Variants in ATXN7L2 observed in about 807,000 individuals in gnomAD.
ATXN7L2 encodes the protein ataxin 7 like 2.
Under a neutral mutation model 59.6 loss-of-function variants are expected in ATXN7L2, and 17 were observed. The ratio of observed to expected loss-of-function variants is 0.29; its 90% confidence interval spans 0.20 to 0.43. The LOEUF is 0.43. ATXN7L2 is among the 20% of genes least tolerant of loss of function. ATXN7L2 has a pLI of 1.00. For synonymous variants in ATXN7L2, 378 were observed against 392.5 expected (o/e 0.96, Z 0.44); for missense variants, 858 against 1,008.9 (o/e 0.85, Z 2.03).
Position 109,488,955 on chromosome 1 carries a change from A to G in ATXN7L2, c.988A>G (p.Lys330Glu), listed in dbSNP as rs770181814. 7 of 1,613,974 alleles carry G rather than the reference A, an allele frequency of 4.3e-6. No homozygotes were observed. The highest frequency in any genetic ancestry group is 5.9e-6 in the Non-Finnish European group (7 of 1,180,002). Residue 330 changes from lysine (K) to glutamate (E), a missense_variant, in exon 7 of 11, where the codon AAG (lysine) becomes GAG (glutamate). Lys to Glu is a moderately conservative substitution (Grantham distance 56). Coordinates refer to ENST00000683729, the MANE Select transcript of ATXN7L2 (RefSeq NM_001350175.2). The surrounding 1 kb of genome is among the most constrained non-coding windows in gnomAD (Gnocchi z 5.0). Reference sequence around the variant, plus strand: ...CCGCAAAGGGGAGTCTCCCAAGGAGAAGAGCCCAGGGCGCAAGGAGCAAGT... The same window carrying G: ...CCGCAAAGGGGAGTCTCCCAAGGAGGAGAGCCCAGGGCGCAAGGAGCAAGT... ...NSRKGESPKE[K>E]SPGRKEQVLE...
In ATXN7L2 at chr1:109,488,331, T is replaced by C; in HGVS notation, c.797-52T>C. ...TTGGCAGGAAGCGGCCAAATCCTCC[T>C]GTAAACTCCTGGAAATGGTCTTGAG... On this transcript the variant is annotated intron_variant, in intron 5 of 10. Coordinates refer to ENST00000683729, the MANE Select transcript of ATXN7L2 (RefSeq NM_001350175.2). The surrounding 1 kb of genome is among the most constrained non-coding windows in gnomAD (Gnocchi z 5.0). 6.5e-7 allele frequency: 1 copy of C among 1,527,202 alleles called. No homozygotes were observed. The highest frequency in any genetic ancestry group is 8.9e-7 in the Non-Finnish European group (1 of 1,119,980). The allele number at this position is 1,527,202 out of a possible 1,614,324, so 94.6% of individuals were successfully genotyped here.
intron 5 of ATXN7L2, 29 bp downstream of exon 5, chr1:109,487,833 A>C (rs1381713540): frequency 6.4e-7 from 1 of 1,563,262 alleles, no homozygotes; most frequent in Admixed American, 2.0e-5. Context: ...GGGGGTCCAG[A>C]ATGTAGAGTG....
chr1:109,485,992 G>A (rs910399658), intron 1 of ATXN7L2, 65 bp from the exon 2 acceptor site: 1 of 1,464,034 alleles, frequency 6.8e-7, no homozygotes, highest in Non-Finnish European at 9.0e-7. Flanking sequence ...ACAGTCTCTG[G>A]TAAGGAGAGG....
chr1:109,489,245 G>A, intron 7 of ATXN7L2, 145 bp downstream of exon 7: 1 of 1,143,238 alleles, frequency 8.7e-7, no homozygotes, highest in South Asian at 1.6e-5. Context: ...GCTCCTGACA[G>A]TGGTGTGGAA....
In ATXN7L2 at chr1:109,486,203, G is replaced by C; in HGVS notation, c.193+81G>C. ...CTTTTCCACCACACTACAGAAGGAG[G>C]TGGCTGCTTGAAGCAGCTGTCTGGG... On this transcript the variant is annotated intron_variant, in intron 2 of 10. Coordinates refer to ENST00000683729, the MANE Select transcript of ATXN7L2 (RefSeq NM_001350175.2). The surrounding 1 kb of genome is among the most constrained non-coding windows in gnomAD (Gnocchi z 4.3). The C allele has an allele frequency of 6.7e-7, 1 of 1,488,674 alleles. No individual in the cohort carries two copies. The highest frequency in any genetic ancestry group is 8.9e-7 in the Non-Finnish European group (1 of 1,119,286). 92.2% of individuals were successfully genotyped at this position (1,488,674 alleles called of 1,614,324 possible). A position where few individuals can be genotyped will look rare whatever the true frequency, so the allele number is the denominator to read the frequency against.
chr1:109,488,357 G>A lies in ATXN7L2; in HGVS notation c.797-26G>A, dbSNP rs1480775615. On this transcript the variant is annotated intron_variant, in intron 5 of 10. Transcript: ENST00000683729. This position sits in a 1 kb window ranked among gnomAD's most constrained non-coding sequence, Gnocchi z 5.0. ...GTAAACTCCTGGAAATGGTCTTGAG[G>A]TTCATTGGAAGTGCTTTCCCCACAG... is the stretch of plus-strand genomic sequence containing the variant. 1.3e-6 allele frequency: 2 copies of A among 1,576,198 alleles called. No homozygotes were observed. Among genetic ancestry groups the A allele is most frequent in the East Asian group, 4.6e-5 (2 of 43,800 alleles).
At position 109,489,011 on chromosome 1, in the gene ATXN7L2, C is replaced by T; in HGVS notation, c.1044C>T (p.Ser348=). ...AGCGCCCCTCCCAGGAGCTCCCCTC[C>T]TCAGTCCAGGTTGTAGCAGCGGTGG... ...VLERPSQELP[S]SVQVVAAVAA... The change falls in exon 7 of 11, where the codon TCC becomes TCT. Residue 348 remains serine (S), a synonymous_variant. Transcript: ENST00000683729. 1.2e-6 allele frequency: 2 copies of T among 1,614,190 alleles called. No homozygotes were observed. Among genetic ancestry groups the T allele is most frequent in the South Asian group, 1.1e-5 (1 of 91,084 alleles).
chr1:109,487,953 G>C (rs1328056896), intron 5 of ATXN7L2, 149 bp downstream of exon 5: 3 of 964,054 alleles, frequency 3.1e-6, no homozygotes, highest in Non-Finnish European at 4.4e-6. Context: ...CTCTTGACCT[G>C]CTTGCTTCCT....
downstream of ATXN7L2, chr1:109,492,742 T>G: frequency 5.0e-5 from 46 of 914,524 alleles, no homozygotes; most frequent in Non-Finnish European, 6.3e-5. Context: ...CAAGACTGTC[T>G]CCCTGTTCTG....
chr1:109,488,992 C>T lies in ATXN7L2; in HGVS notation c.1025C>T (p.Pro342Leu), dbSNP rs764742217. Residue 342 changes from proline (P) to leucine (L), a missense_variant, in exon 7 of 11, where the codon CCC becomes CTC. By Grantham distance (98) the Pro-to-Leu change is moderately conservative (BLOSUM62 -3). Around this residue, in one of 3 missense-constraint regions of ATXN7L2, gnomAD observed 734 missense variants for 862.3 expected, o/e 0.85. Transcript: ENST00000683729. This position sits in a 1 kb window ranked among gnomAD's most constrained non-coding sequence, Gnocchi z 5.0. The stretch of plus-strand genomic sequence containing the variant: ...CGCAAGGAGCAAGTTCTCGAGCGCC[C>T]CTCCCAGGAGCTCCCCTCCTCAGTC... ...PGRKEQVLER[P>L]SQELPSSVQV... is the part of the protein sequence containing the mutation. The T allele has an allele frequency of 3.7e-6, 6 of 1,614,150 alleles. No individual in the cohort carries two copies. The highest frequency in any genetic ancestry group is 3.3e-5 in the Admixed American group (2 of 60,030).
At chr1:109,484,140 G>T (rs1489260596) in intron 1 of ATXN7L2, 60 bp downstream of exon 1, 1 of 1,316,822 alleles carries the variant, frequency 7.6e-7, no homozygotes. Context: ...CCCCCTTCCG[G>T]GCCCCCGCCA....
Position 109,488,292 on chromosome 1 carries a change from C to T in ATXN7L2, c.797-91C>T. Reference sequence around the variant, plus strand: ...GCTGGAGTCTCTTCTGCCTTAGTACCAGTTCTCAGGCCCTTGGCAGGAAGC... The same window carrying T: ...GCTGGAGTCTCTTCTGCCTTAGTACTAGTTCTCAGGCCCTTGGCAGGAAGC... On this transcript the variant is annotated intron_variant, in intron 5 of 10. Coordinates refer to ENST00000683729, the MANE Select transcript of ATXN7L2 (RefSeq NM_001350175.2). The surrounding 1 kb of genome is among the most constrained non-coding windows in gnomAD (Gnocchi z 5.0). The T allele has an allele frequency of 8.2e-7, 1 of 1,221,636 alleles. No homozygotes were observed. The highest frequency in any genetic ancestry group is 1.2e-6 in the Non-Finnish European group (1 of 846,862). 75.7% of individuals were successfully genotyped at this position (1,221,636 alleles called of 1,614,324 possible).
At position 109,486,621 on chromosome 1, in the gene ATXN7L2, C is replaced by T. The variant is rs755790617; in HGVS notation, c.298+11C>T. On this transcript the variant is annotated intron_variant, in intron 3 of 10. Transcript: ENST00000683729. The surrounding 1 kb of genome is among the most constrained non-coding windows in gnomAD (Gnocchi z 4.3). ...TCCAGAAGCACTGCGGTGAGGGGAG[C>T]CCTAGGGAGGAGATAAAGGGACAGG... The T allele has an allele frequency of 6.2e-7, 1 of 1,606,720 alleles. No homozygotes were observed. The highest frequency in any genetic ancestry group is 1.1e-5 in the South Asian group (1 of 90,820).
At chr1:109,490,444 C>T (rs1656960788) in intron 9 of ATXN7L2, 52 bp downstream of exon 9, 1 of 1,593,302 alleles carries the variant, frequency 6.3e-7, no homozygotes, top group Non-Finnish European at 8.5e-7. Context: ...TTCCTAGGTT[C>T]CAGACATACT....
At chr1:109,485,467 G>A in intron 1 of ATXN7L2, 1 of 985,476 alleles carries the variant, frequency 1.0e-6, no homozygotes, top group African/African-American at 1.7e-5. Flanking sequence ...CATCCTATCA[G>A]TGCAGGACCT....
rs756535236 is a variant in ATXN7L2 at position 109,491,230 on chromosome 1, C to T, written c.1763C>T (p.Ser588Leu). The T allele has an allele frequency of 2.2e-5, 35 of 1,614,082 alleles. No homozygotes were observed. Among genetic ancestry groups the T allele is most frequent in the Non-Finnish European group, 2.9e-5 (34 of 1,180,062 alleles). Residue 588 changes from serine (S) to leucine (L), a missense_variant, in exon 10 of 11, where the codon TCA becomes TTA. Ser to Leu is a moderately radical substitution (Grantham distance 145). This residue lies in a region of ATXN7L2 where 734 missense variants were observed against 862.3 expected (regional missense o/e 0.85). Coordinates refer to ENST00000683729, the MANE Select transcript of ATXN7L2 (RefSeq NM_001350175.2). The surrounding 1 kb of genome is among the most constrained non-coding windows in gnomAD (Gnocchi z 4.1). Reference sequence around the variant, plus strand: ...CTGCCGCCTTCCAAGGCCAGCAAGTCATCCAAAGGCAAGGACGGGGTGGAG... The same window carrying T: ...CTGCCGCCTTCCAAGGCCAGCAAGTTATCCAAAGGCAAGGACGGGGTGGAG... ...SKLPPSKASK[S>L]SKGKDGVEVE...
chr1:109,491,863 G>T lies in ATXN7L2; in HGVS notation c.2250+146G>T. On this transcript the variant is annotated intron_variant, in intron 10 of 10. Coordinates refer to ENST00000683729, the MANE Select transcript of ATXN7L2 (RefSeq NM_001350175.2). This position sits in a 1 kb window ranked among gnomAD's most constrained non-coding sequence, Gnocchi z 4.1. ...CCTGGACTGTTTTCTTTAGGAAGAG[G>T]TAGGTCAGTTCTTAGCAAAGTGACT... The T allele has an allele frequency of 2.4e-6, 3 of 1,229,880 alleles. No homozygotes were observed. The highest frequency in any genetic ancestry group is 3.3e-6 in the Non-Finnish European group (3 of 913,136). The allele number at this position is 1,229,880 out of a possible 1,614,324, so 76.2% of individuals were successfully genotyped here.
rs762192283 is a variant in ATXN7L2, at chr1:109,491,181, A to G, written c.1714A>G (p.Thr572Ala). ...TATCACCTCACCACTGCCTGCCAACACGCCATCCCCGTCCTTCAGCAAGCT... is the reference window on the plus strand; with the variant it reads ...TATCACCTCACCACTGCCTGCCAACGCGCCATCCCCGTCCTTCAGCAAGCT... ...QAITSPLPAN[T>A]PSPSFSKLPP... The change falls in exon 10 of 11, where the codon ACG becomes GCG. Residue 572 changes from threonine to alanine, a missense_variant. Coordinates refer to ENST00000683729, the MANE Select transcript of ATXN7L2 (RefSeq NM_001350175.2). This position sits in a 1 kb window ranked among gnomAD's most constrained non-coding sequence, Gnocchi z 4.1. The G allele has an allele frequency of 1.2e-6, 2 of 1,613,790 alleles. No homozygotes were observed. The highest frequency in any genetic ancestry group is 2.2e-5 in the South Asian group (2 of 91,072).
intron 8 of ATXN7L2, 70 bp from the exon 9 acceptor site, chr1:109,490,201 A>G: frequency 1.3e-6 from 2 of 1,587,784 alleles, no homozygotes; most frequent in Middle Eastern, 1.7e-4. Context: ...GGAGGAGGCC[A>G]GATCCTGTGT....
Sources: gnomAD v4.1 joint callset for allele counts on GRCh38, gnomAD v4.1.1 for gene constraint, gnomAD v4.1.1 regional missense constraint, Gnocchi (gnomAD v3.1) non-coding constraint, MANE v1.5 for transcripts, NCBI Gene and HGNC (gene_info 2026-07-23, HGNC 2026-07-21) for gene names.